The following PAQR3 variants were observed in gnomAD, a reference collection of about 807,000 sequenced individuals.
The protein encoded by PAQR3 is Raf kinase trapping to Golgi.
Under a neutral mutation model 41.7 loss-of-function variants are expected in PAQR3, and 39 were observed. That is an observed-to-expected ratio of 0.93 (90% CI 0.72 to 1.22). The LOEUF is 1.22. PAQR3 is among the 50% of genes most tolerant of loss of function. The pLI is 0.00. For missense variants in PAQR3, 366 were observed against 385.6 expected (o/e 0.95, Z 0.42); for synonymous variants, 140 against 140.6 (o/e 1.00, Z 0.03).
At chr4:78,925,182 A>T (rs1560574896) in intron 4 of PAQR3, among the ~76,000 whole-genome samples, 1 of 152,110 alleles carries the variant, frequency 6.6e-6, no homozygotes, top group Non-Finnish European at 1.5e-5. Flanking sequence ...AATACAAAAA[A>T]AAAATCCCTT....
At position 78,917,782 on chromosome 4, in the gene PAQR3, A is replaced by G. The variant is rs1341093808; in HGVS notation, c.*2757T>C. On this transcript the variant is annotated 3_prime_UTR_variant, in exon 6 of 6. Transcript: ENST00000512733. ...GTACCTGCCAAATGGAGAGTTGTACAGTTTTACGGAAGTCAATCACAATCT... is the reference window on the plus strand; with the variant it reads ...GTACCTGCCAAATGGAGAGTTGTACGGTTTTACGGAAGTCAATCACAATCT... 8.2e-6 allele frequency: 8 copies of G among 981,332 alleles called. No homozygotes were observed. Among genetic ancestry groups the G allele is most frequent in the Non-Finnish European group, 9.7e-6 (8 of 826,136 alleles). 60.8% of individuals were successfully genotyped at this position (981,332 alleles called of 1,614,324 possible).
downstream of PAQR3, among the ~76,000 whole-genome samples, chr4:78,909,862 C>T (rs982040759): frequency 2.0e-5 from 3 of 152,162 alleles, no homozygotes; most frequent in African/African-American, 7.2e-5. Flanking sequence ...TAGCAAAGTG[C>T]CCTATATTTC....
At chr4:78,909,272 G>A (rs1488339982), downstream of PAQR3, among the ~76,000 whole-genome samples, 3 of 151,702 alleles carry the variant, frequency 2.0e-5, no homozygotes, top group East Asian at 5.8e-4. Flanking sequence ...TCCTGACCTC[G>A]TGATCCACCC....
intron 3 of PAQR3, among the ~76,000 whole-genome samples, chr4:78,928,532 A>G (rs372782898): frequency 2.0e-5 from 3 of 152,342 alleles, no homozygotes; most frequent in South Asian, 4.1e-4. Flanking sequence ...TGTTGACAGT[A>G]TTCTCTGTTA....
intron 11 of PAQR3, among the ~76,000 whole-genome samples, chr4:78,905,197 A>G (rs547098338): frequency 6.6e-6 from 1 of 152,044 alleles, no homozygotes; most frequent in African/African-American, 2.4e-5. Context: ...GGTTGATCAT[A>G]TAGATTTTTG....
At chr4:78,911,004 C>T (rs141925664), downstream of PAQR3, 3,127 of 1,613,648 alleles carry the variant, frequency 1.9e-3, 2 homozygotes, top group Non-Finnish European at 2.3e-3. Context: ...TGAGCTCTGT[C>T]TACAGAGACA....
In PAQR3 at chr4:78,918,310, T is replaced by G; in HGVS notation, c.*2229A>C. On this transcript the variant is annotated 3_prime_UTR_variant, in exon 6 of 6. Transcript: ENST00000512733. ...TACAAGGCTCAGATTTGTAGACAAC[T>G]TTAAAATATTTTTTAATGTTAACAA... 2.1e-6 allele frequency: 2 copies of G among 969,404 alleles called. No individual in the cohort carries two copies. Among genetic ancestry groups the G allele is most frequent in the Non-Finnish European group, 2.5e-6 (2 of 815,036 alleles). The allele number at this position is 969,404 out of a possible 1,614,324, so 60.1% of individuals were successfully genotyped here. A position where few individuals can be genotyped will look rare whatever the true frequency, so the allele number is the denominator to read the frequency against.
At chr4:78,895,236 A>T (rs892679794) in intron 11 of PAQR3, among the ~76,000 whole-genome samples, 3 of 152,228 alleles carry the variant, frequency 2.0e-5, no homozygotes, top group African/African-American at 7.2e-5. Flanking sequence ...TTTTTTAGAA[A>T]GTCAATCTTG....
At position 78,920,692 on chromosome 4, in the gene PAQR3, G is replaced by T. The variant is rs1560571026; in HGVS notation, c.794-11C>A. 1 of 1,591,424 alleles carries T rather than the reference G, an allele frequency of 6.3e-7. No individual in the cohort carries two copies. The highest frequency in any genetic ancestry group is 8.6e-7 in the Non-Finnish European group (1 of 1,167,620). ...GGTAGTTTAGTTGTCCTGGAAAGAA[G>T]GTAGAAAGAAAATGATAATGATTTC... On this transcript the variant is annotated splice_polypyrimidine_tract_variant and intron_variant, in intron 5 of 5. Coordinates refer to ENST00000512733, the MANE Select transcript of PAQR3 (RefSeq NM_001040202.2).
downstream of PAQR3, among the ~76,000 whole-genome samples, chr4:78,907,226 C>A (rs1577982666): frequency 6.6e-6 from 1 of 151,808 alleles, no homozygotes; most frequent in Admixed American, 6.6e-5. Context: ...AGATTTATAC[C>A]CACACTGACA....
At chr4:78,922,916 C>T (rs544994185) in intron 5 of PAQR3, 11 of 456,140 alleles carry the variant, frequency 2.4e-5, no homozygotes, top group South Asian at 1.6e-4. Flanking sequence ...CAAGCAAATA[C>T]AGGTTTTGGA....
chr4:78,908,747 A>C (rs1254051956), downstream of PAQR3, among the ~76,000 whole-genome samples: 1 of 152,204 alleles, frequency 6.6e-6, no homozygotes, highest in Non-Finnish European at 1.5e-5. Context: ...TCATTTTTTA[A>C]AAAATTATGC....
At chr4:78,936,986 G>C (rs1010998257) in intron 1 of PAQR3, among the ~76,000 whole-genome samples, 7 of 152,110 alleles carry the variant, frequency 4.6e-5, no homozygotes, top group African/African-American at 1.7e-4. Flanking sequence ...CTCCAATAAA[G>C]AATCTACTCT....
downstream of PAQR3, among the ~76,000 whole-genome samples, chr4:78,908,057 C>T (rs142864808): frequency 8.5e-5 from 13 of 152,200 alleles, no homozygotes; most frequent in East Asian, 1.9e-3. Context: ...ATCATAAATA[C>T]GCTGTGTAGG....
Position 78,935,232 on chromosome 4 carries a change from A to C in PAQR3, c.237T>G (p.Gly79=). Reference sequence around the variant, plus strand: ...TTCCCAGGGTGAAGAAGAGAAAGAAACCCAGCAAATGACTCCAGATGTTTA... The same window carrying C: ...TTCCCAGGGTGAAGAAGAGAAAGAACCCCAGCAAATGACTCCAGATGTTTA... The part of the protein sequence containing the change: ...ETVNIWSHLL[G]FFLFFTLGIY... The change falls in exon 2 of 6, where the codon GGT becomes GGG. Residue 79 remains glycine, a synonymous_variant. Transcript: ENST00000512733. The C allele has an allele frequency of 1.2e-6, 2 of 1,613,830 alleles. No individual in the cohort carries two copies. The highest frequency in any genetic ancestry group is 1.7e-6 in the Non-Finnish European group (2 of 1,179,794).
In PAQR3 at chr4:78,911,988, C is replaced by T. The variant is rs1734654263; in HGVS notation, c.*8551G>A. 1.9e-6 allele frequency: 3 copies of T among 1,613,634 alleles called. No individual in the cohort carries two copies. Among genetic ancestry groups the T allele is most frequent in the East Asian group, 2.2e-5 (1 of 44,872 alleles). On this transcript the variant is annotated 3_prime_UTR_variant, in exon 6 of 6. Transcript: ENST00000512733. ...ATCAGTCCCAACAGTCCCAACCAGT[C>T]GAATTAGACCCATTTGGTGCTGCTC...
rs763329373 is a variant in PAQR3, at chr4:78,912,037, C to G, written c.*8502G>C. ...TCCATTTCCTTCTAAACAGTAGATACTTCTGATGGATTCTCGGCATTAACT... is the reference window on the plus strand; with the variant it reads ...TCCATTTCCTTCTAAACAGTAGATAGTTCTGATGGATTCTCGGCATTAACT... On this transcript the variant is annotated 3_prime_UTR_variant, in exon 6 of 6. Transcript: ENST00000512733. 3 of 1,583,142 alleles carry G rather than the reference C, an allele frequency of 1.9e-6. No individual in the cohort carries two copies. In the South Asian group the frequency reaches 3.5e-5, roughly 18 times the overall value.
In PAQR3 at chr4:78,918,794, G is replaced by A; in HGVS notation, c.*1745C>T. The A allele has an allele frequency of 2.0e-6, 2 of 984,498 alleles. No homozygotes were observed. The highest frequency in any genetic ancestry group is 2.4e-6 in the Non-Finnish European group (2 of 829,264). 61.0% of individuals were successfully genotyped at this position (984,498 alleles called of 1,614,324 possible). On this transcript the variant is annotated 3_prime_UTR_variant, in exon 6 of 6. Coordinates refer to ENST00000512733, the MANE Select transcript of PAQR3 (RefSeq NM_001040202.2). ...TTTAACTTAAGTGTAACTACTCAGT[G>A]TCTTTTGTTTGGCCAAAATGACAAA...
intron 10 of PAQR3, among the ~76,000 whole-genome samples, chr4:78,906,826 T>C (rs1486637552): frequency 6.6e-6 from 1 of 152,202 alleles, no homozygotes; most frequent in Admixed American, 6.5e-5. Context: ...TCAGGCACCG[T>C]TCTAAGTCCT....
Sources: gnomAD v4.1 joint callset for allele counts (sites outside exome capture counted in the v4.1 genomes callset) on GRCh38, gnomAD v4.1.1 for gene constraint, MANE v1.5 for transcripts, NCBI Gene and HGNC (gene_info 2026-07-23, HGNC 2026-07-21) for gene names.